The following DLG2 variants were observed in gnomAD, a reference collection of about 807,000 sequenced individuals.
DLG2 encodes disks large homolog 2.
In DLG2, 45 loss-of-function variants were observed where a neutral mutation model predicts 132.5. The ratio of observed to expected loss-of-function variants is 0.34; its 90% CI spans 0.27 to 0.44. The LOEUF is 0.44. DLG2 is among the 20% of genes least tolerant of loss of function. DLG2 has a pLI of 1.00. For missense variants in DLG2, 1,045 were observed against 1,196.9 expected, an observed-to-expected ratio of 0.87 and a Z score of 1.87; for synonymous variants, 424 against 419.6, an observed-to-expected ratio of 1.01 and a Z score of -0.13.
intron 3 of DLG2, among the ~76,000 whole-genome samples, chr11:85,511,218 G>A (rs1046520318): frequency 2.0e-5 from 3 of 151,998 alleles, no homozygotes; most frequent in African/African-American, 7.2e-5. Context: ...ACCGGGGCCT[G>A]TTGTGGGGTG....
chr11:83,992,064 C>T (rs1042496464), intron 11 of DLG2, among the ~76,000 whole-genome samples: 1 of 152,128 alleles, frequency 6.6e-6, no homozygotes, highest in African/African-American at 2.4e-5. Flanking sequence ...AGATTGTAAG[C>T]AACCACTAAA....
intron 19 of DLG2, among the ~76,000 whole-genome samples, chr11:83,598,241 T>C (rs1436713415): frequency 2.0e-5 from 3 of 152,274 alleles, no homozygotes; most frequent in African/African-American, 7.2e-5. Flanking sequence ...CCACGCATGT[T>C]CTGTCTGTCC....
intron 6 of DLG2, among the ~76,000 whole-genome samples, chr11:84,901,456 T>G (rs1433199267): frequency 6.6e-6 from 1 of 152,114 alleles, no homozygotes; most frequent in Admixed American, 6.6e-5. Flanking sequence ...ACACATTCAA[T>G]ATTCAATCAG....
chr11:84,480,926 A>G (rs2099135616), intron 7 of DLG2, among the ~76,000 whole-genome samples: 1 of 150,566 alleles, frequency 6.6e-6, no homozygotes, highest in Non-Finnish European at 1.5e-5. Context: ...TTTAGTAGAG[A>G]CGGGATTTCA....
At chr11:85,442,224 C>T (rs578043314) in intron 3 of DLG2, among the ~76,000 whole-genome samples, 22 of 152,222 alleles carry the variant, frequency 1.4e-4, no homozygotes, top group African/African-American at 5.3e-4. Context: ...ATCAAACTTA[C>T]ATTTTTAAAG....
chr11:84,205,564 AAAC>A (rs1173840548), intron 8 of DLG2, among the ~76,000 whole-genome samples: 21 of 151,372 alleles, frequency 1.4e-4, no homozygotes, highest in Admixed American at 1.3e-3. Context: ...TTAAAAAAAA[AAAC>A]AAAAATAAAG....
chr11:85,111,537 C>G (rs1319615218), intron 6 of DLG2, 124 bp downstream of exon 6: 2 of 674,730 alleles, frequency 3.0e-6, no homozygotes, highest in Non-Finnish European at 4.7e-6. Flanking sequence ...TATTCTTTCT[C>G]CTTGCAAAAT....
intron 6 of DLG2, chr11:84,923,655 G>T (rs1311810066): frequency 2.2e-6 from 2 of 912,134 alleles, no homozygotes; most frequent in Non-Finnish European, 1.3e-6. Flanking sequence ...AGGCTATTCT[G>T]GTGCAGCACC....
chr11:84,330,880 G>C (rs1438436703), intron 7 of DLG2, among the ~76,000 whole-genome samples: 2 of 152,060 alleles, frequency 1.3e-5, no homozygotes, highest in Non-Finnish European at 2.9e-5. Context: ...TCAAAAACTG[G>C]GCAAAAGTTG....
At chr11:85,143,037 G>T (rs1437238090) in intron 5 of DLG2, among the ~76,000 whole-genome samples, 1 of 151,696 alleles carries the variant, frequency 6.6e-6, no homozygotes, top group Non-Finnish European at 1.5e-5. Flanking sequence ...TCTTTCTCCG[G>T]TTTTGGCATC....
chr11:84,113,345 T>G (rs2093462325), intron 9 of DLG2, among the ~76,000 whole-genome samples: 1 of 152,220 alleles, frequency 6.6e-6, no homozygotes, highest in Non-Finnish European at 1.5e-5. Flanking sequence ...TTATTTCAGT[T>G]GCAAGCTAAA....
intron 7 of DLG2, among the ~76,000 whole-genome samples, chr11:84,283,095 T>C (rs529077807): frequency 5.9e-5 from 9 of 152,344 alleles, no homozygotes; most frequent in African/African-American, 2.2e-4. Context: ...CTAAAATTTC[T>C]AGTTTCCCCA....
intron 5 of DLG2, among the ~76,000 whole-genome samples, chr11:85,127,132 A>C (rs1175991986): frequency 6.6e-6 from 1 of 152,008 alleles, no homozygotes; most frequent in Non-Finnish European, 1.5e-5. Flanking sequence ...CAGGGTGCTG[A>C]TCTATCTCTG....
At chr11:84,206,227 A>G (rs928698228) in intron 8 of DLG2, among the ~76,000 whole-genome samples, 1 of 152,108 alleles carries the variant, frequency 6.6e-6, no homozygotes, top group African/African-American at 2.4e-5. Flanking sequence ...ATCGTCCTGC[A>G]TCTGTTGAAA....
At position 85,325,210 on chromosome 11, in the gene DLG2, T is replaced by A. The variant is rs532684655; in HGVS notation, c.41-39845A>T. On this transcript the variant is annotated intron_variant, in intron 3 of 27. Coordinates refer to ENST00000376104, the MANE Select transcript of DLG2 (RefSeq NM_001142699.3). ...AGGCTGGGGGAGGGGCGCCCGCCATTGCCCAGGCTTGCTTAGGTAAACAAA... is the reference window on the plus strand; with the variant it reads ...AGGCTGGGGGAGGGGCGCCCGCCATAGCCCAGGCTTGCTTAGGTAAACAAA... 1.4e-3 allele frequency among the ~76,000 whole-genome samples: 207 copies of A among 151,224 alleles called. 1 individual carries two copies. Among genetic ancestry groups the A allele is most frequent in the Admixed American group, 3.1e-3 (47 of 15,230 alleles).
intron 17 of DLG2, among the ~76,000 whole-genome samples, chr11:83,800,147 T>G (rs1441146586): frequency 2.0e-5 from 3 of 152,086 alleles, no homozygotes; most frequent in Non-Finnish European, 4.4e-5. Context: ...AGTGCTAGGG[T>G]TGAAGGCACT....
At chr11:83,512,023 T>C (rs1474660154) in intron 21 of DLG2, among the ~76,000 whole-genome samples, 4 of 152,134 alleles carry the variant, frequency 2.6e-5, no homozygotes, top group Non-Finnish European at 4.4e-5. Context: ...TGTTGGAAAT[T>C]TGTAAACAGT....
rs146051626 is a variant in DLG2, at chr11:83,617,899, A to C, written c.1940+15312T>G. ...ATAGTCCCAGGTACTCAGGAGGCTA[A>C]AGCATGAAAATCACTTGACTAGGGG... On this transcript the variant is annotated intron_variant, in intron 19 of 27. Coordinates refer to ENST00000376104, the MANE Select transcript of DLG2 (RefSeq NM_001142699.3). Among the ~76,000 whole-genome samples, 886 of 152,260 alleles carry C rather than the reference A, an allele frequency of 5.8e-3. 2 individuals carry two copies. The highest frequency in any genetic ancestry group is 9.5e-3 in the Non-Finnish European group (646 of 68,012).
chr11:85,613,431 G>A (rs538860103), intron 2 of DLG2, among the ~76,000 whole-genome samples: 34 of 152,248 alleles, frequency 2.2e-4, no homozygotes, highest in East Asian at 1.7e-3. Context: ...CCAAATTCCC[G>A]ACAGCAATTG....
Sources: allele counts gnomAD v4.1 joint callset (sites outside exome capture counted in the v4.1 genomes callset), GRCh38; gene constraint gnomAD v4.1.1; transcripts MANE v1.5; gene names NCBI Gene and HGNC (gene_info 2026-07-23, HGNC 2026-07-21).